HDGFL2: variants seen among roughly 807,000 people sequenced by gnomAD.
HDGFL2 encodes hepatoma-derived growth factor-related protein 2.
A neutral mutation model predicts 77.1 loss-of-function variants in HDGFL2; 36 were observed. That is an observed-to-expected ratio of 0.47 (90% confidence interval 0.36 to 0.62). The LOEUF (loss-of-function observed/expected upper bound fraction) is 0.62. Among genes scored for constraint, HDGFL2 ranks in the 20% least tolerant of loss-of-function variants. The pLI, the probability that HDGFL2 is intolerant of heterozygous loss-of-function variation, is 0.00. For missense variants in HDGFL2, 976 were observed against 973.4 expected (o/e 1.00, Z -0.04); for synonymous variants, 463 against 413.1 (o/e 1.12, Z -1.46).
At chr19:4,477,771 T>C (rs543770958) in intron 3 of HDGFL2, among the ~76,000 whole-genome samples, 2 of 152,108 alleles carry the variant, frequency 1.3e-5, no homozygotes, top group East Asian at 1.9e-4. Context: ...TGCTTCTAGA[T>C]GGAACGTGTG....
At chr19:4,495,609 G>A (rs1410215767) in intron 9 of HDGFL2, among the ~76,000 whole-genome samples, 6 of 151,636 alleles carry the variant, frequency 4.0e-5, no homozygotes, top group South Asian at 2.1e-4. Flanking sequence ...AGAGCAGGCC[G>A]GGTAGGGCCA....
At chr19:4,488,572 A>G (rs1975420125) in intron 3 of HDGFL2, 104 bp from the exon 4 acceptor site, 5 of 1,049,364 alleles carry the variant, frequency 4.8e-6, no homozygotes, top group East Asian at 2.6e-5. Context: ...CACGCCTGAC[A>G]TTCAGGATCC....
intron 3 of HDGFL2, among the ~76,000 whole-genome samples, chr19:4,485,733 C>T (rs1477534308): frequency 6.7e-6 from 1 of 149,416 alleles, no homozygotes; most frequent in Non-Finnish European, 1.5e-5. Flanking sequence ...CAGAGCGAGA[C>T]TCCGTCTCAA....
At position 4,475,471 on chromosome 19, in the gene HDGFL2, T is replaced by C. The variant is rs1212703527; in HGVS notation, c.176T>C (p.Phe59Ser). Residue 59 changes from phenylalanine to serine, a missense_variant, in exon 3 of 16, where the codon TTC becomes TCC. Transcript: ENST00000616600. Reference protein sequence around the residue: ...ETAFLGPKDLFPYDKCKDKYG... With the variant: ...ETAFLGPKDLSPYDKCKDKYG... ...GCCTTCCTGGGACCCAAGGACCTGT[T>C]CCCCTACGACAAATGTAAAGACAAG... 1.1e-5 allele frequency: 18 copies of C among 1,612,352 alleles called. No homozygotes were observed. Among genetic ancestry groups the C allele is most frequent in the Non-Finnish European group, 1.4e-5 (17 of 1,179,584 alleles).
intron 3 of HDGFL2, among the ~76,000 whole-genome samples, chr19:4,487,408 C>T (rs772932404): frequency 1.2e-4 from 18 of 152,106 alleles, no homozygotes; most frequent in African/African-American, 1.9e-4. Flanking sequence ...AGGCCCACAC[C>T]GCCACACCTT....
At chr19:4,490,148 C>T (rs767403319) in intron 4 of HDGFL2, among the ~76,000 whole-genome samples, 15 of 152,196 alleles carry the variant, frequency 9.9e-5, no homozygotes, top group Non-Finnish European at 2.1e-4. Context: ...AGTGCAATGG[C>T]ATGATCTCTG....
chr19:4,501,344 G>C, intron 15 of HDGFL2, 27 bp downstream of exon 15: 1 of 1,564,320 alleles, frequency 6.4e-7, no homozygotes, highest in Non-Finnish European at 8.7e-7. Context: ...GTGGGGTTTG[G>C]ACTCCTGAGC....
chr19:4,501,835 C>A, intron 15 of HDGFL2, 76 bp from the exon 16 acceptor site: 1 of 1,130,300 alleles, frequency 8.8e-7, no homozygotes, highest in Non-Finnish European at 1.2e-6. Flanking sequence ...TCCTCGGTGC[C>A]CATCCCACCC....
intron 3 of HDGFL2, among the ~76,000 whole-genome samples, chr19:4,485,615 G>A (rs957583006): frequency 4.0e-5 from 6 of 151,836 alleles, no homozygotes; most frequent in African/African-American, 1.5e-4. Flanking sequence ...GGTGGCGGGT[G>A]CCTGTAGTCC....
rs773228907 is a variant in HDGFL2, at chr19:4,498,368, G to A, written c.1465G>A (p.Asp489Asn). 23 of 1,613,230 alleles carry A rather than the reference G, an allele frequency of 1.4e-5. No homozygotes were observed. The East Asian group carries it at 2.9e-4, about 20-fold the overall frequency. ...TGAGATCAAGTTTGCCCTAAAGGTC[G>A]ACAGCCCGGTAAGACCCTCAGGGCC... is the stretch of plus-strand genomic sequence containing the variant. ...HSEIKFALKV[D>N]SPDVKRCLNA... Residue 489 changes from aspartate (D) to asparagine (N), a missense_variant, in exon 12 of 16, where the codon GAC becomes AAC. Coordinates refer to ENST00000616600, the MANE Select transcript of HDGFL2 (RefSeq NM_001001520.3).
intron 9 of HDGFL2, among the ~76,000 whole-genome samples, chr19:4,495,212 C>A (rs1335816968): frequency 6.6e-6 from 1 of 151,854 alleles, no homozygotes; most frequent in Non-Finnish European, 1.5e-5. Flanking sequence ...ACGGTGAAAC[C>A]CTGTCTCTAC....
intron 3 of HDGFL2, among the ~76,000 whole-genome samples, chr19:4,486,081 C>T (rs965051366): frequency 6.7e-6 from 1 of 148,932 alleles, no homozygotes; most frequent in African/African-American, 2.5e-5. Flanking sequence ...ACAACAACCA[C>T]GAAAACTCAA....
chr19:4,491,805 G>C lies in HDGFL2; in HGVS notation c.648G>C (p.Arg216=). The part of the protein sequence containing the change: ...PEKKAAVRAP[R]RGPLGGRKKK... ...AGAAAGCAGCGGTCCGGGCGCCACGGAGGGGCCCTCTGGGGGGACGGAAAA... is the reference window on the plus strand; with the variant it reads ...AGAAAGCAGCGGTCCGGGCGCCACGCAGGGGCCCTCTGGGGGGACGGAAAA... The change falls in exon 6 of 16, where the codon CGG becomes CGC. Residue 216 remains arginine (R), a synonymous_variant. Transcript: ENST00000616600. The C allele has an allele frequency of 6.2e-7, 1 of 1,614,066 alleles. No homozygotes were observed. The highest frequency in any genetic ancestry group is 1.1e-5 in the South Asian group (1 of 91,090).
chr19:4,496,204 G>A, intron 9 of HDGFL2, 98 bp from the exon 10 acceptor site: 3 of 988,766 alleles, frequency 3.0e-6, no homozygotes, highest in Non-Finnish European at 4.8e-6. Context: ...GAGGGCGACA[G>A]AAAGGGTCGA....
chr19:4,498,450 G>A, intron 12 of HDGFL2, 74 bp downstream of exon 12: 1 of 1,213,858 alleles, frequency 8.2e-7, no homozygotes, highest in South Asian at 1.3e-5. Context: ...AGATGTCTCG[G>A]GAAACTGAGG....
intron 14 of HDGFL2, among the ~76,000 whole-genome samples, chr19:4,500,752 C>T (rs1347591123): frequency 6.6e-6 from 1 of 152,130 alleles, no homozygotes; most frequent in Non-Finnish European, 1.5e-5. Context: ...TGAGCCACTG[C>T]GCCCTGCCAG....
At chr19:4,473,732 C>G (rs368091045) in intron 1 of HDGFL2, among the ~76,000 whole-genome samples, 3 of 151,558 alleles carry the variant, frequency 2.0e-5, no homozygotes, top group Admixed American at 6.6e-5. Context: ...CACGGGGTCA[C>G]TGGGACTCGG....
chr19:4,488,198 T>G (rs1306324682), intron 3 of HDGFL2, among the ~76,000 whole-genome samples: 1 of 152,226 alleles, frequency 6.6e-6, no homozygotes, highest in African/African-American at 2.4e-5. Context: ...CTCGAACACC[T>G]GACCTCAGGT....
chr19:4,499,784 G>T, intron 14 of HDGFL2, 80 bp downstream of exon 14: 1 of 1,147,592 alleles, frequency 8.7e-7, no homozygotes, highest in East Asian at 2.5e-5. Context: ...ATTCCAGAAG[G>T]GGAGTACAGC....
Sources: allele counts gnomAD v4.1 joint callset (sites outside exome capture counted in the v4.1 genomes callset), GRCh38; gene constraint gnomAD v4.1.1; transcripts MANE v1.5; gene names NCBI Gene and HGNC (gene_info 2026-07-23, HGNC 2026-07-21).